NOPCHAP1: variants seen among roughly 807,000 people sequenced by gnomAD.
NOPCHAP1 encodes DNA damage-sensitive RNA 1.
A neutral mutation model predicts 14.0 loss-of-function variants in NOPCHAP1; 13 were observed. That is an observed-to-expected ratio of 0.93 (90% confidence interval 0.60 to 1.47). The LOEUF is 1.47. NOPCHAP1 is among the 40% of genes most tolerant of loss of function. The pLI is 0.00. For missense variants in NOPCHAP1, 230 were observed against 226.9 expected, an observed-to-expected ratio of 1.01 and a Z score of -0.09; for synonymous variants, 78 against 78.4, an observed-to-expected ratio of 1.00 and a Z score of 0.03.
rs1437452900 is a variant in NOPCHAP1 at position 105,012,292 on chromosome 12, G to C, written c.*17596G>C. On this transcript the variant is annotated 3_prime_UTR_variant, in exon 4 of 4. Transcript: ENST00000552951. ...TTGATCGATTAGGCCATTGATACTT[G>C]TGTATGCTTCACGAAGTTCTTGGGC... 6.6e-6 allele frequency: 1 copy of C among 152,066 alleles called. No homozygotes were observed. The highest frequency in any genetic ancestry group is 2.4e-5 in the African/African-American group (1 of 41,386). 9.4% of individuals were successfully genotyped at this position (152,066 alleles called of 1,614,324 possible).
rs1466745470 is a variant in NOPCHAP1 at position 105,006,101 on chromosome 12, A to T, written c.*11405A>T. The T allele has an allele frequency of 1.3e-5, 2 of 152,200 alleles. No individual in the cohort carries two copies. Among genetic ancestry groups the T allele is most frequent in the East Asian group, 3.9e-4 (2 of 5,192 alleles). 9.4% of individuals were successfully genotyped at this position (152,200 alleles called of 1,614,324 possible). On this transcript the variant is annotated 3_prime_UTR_variant, in exon 4 of 4. Coordinates refer to ENST00000552951, the MANE Select transcript of NOPCHAP1 (RefSeq NM_152318.3). ...CTGCCCCACCTTTTTTGCCACATTC[A>T]CAATCTCTTTCATGATTTCCTTGAT...
In NOPCHAP1 at chr12:105,003,275, T is replaced by C. The variant is rs968513193; in HGVS notation, c.*8579T>C. On this transcript the variant is annotated 3_prime_UTR_variant, in exon 4 of 4. Transcript: ENST00000552951. Reference sequence around the variant, plus strand: ...TTTTTTTGTGTGTGTGTGAGTTTCATTTTTCTAGAAAAGCAACATGCCCTG... The same window carrying C: ...TTTTTTTGTGTGTGTGTGAGTTTCACTTTTCTAGAAAAGCAACATGCCCTG... The C allele has an allele frequency of 2.0e-5, 3 of 152,200 alleles. No homozygotes were observed. The allele number at this position is 152,200 out of a possible 1,614,324, so 9.4% of individuals were successfully genotyped here.
In NOPCHAP1 at chr12:105,000,450, C is replaced by T. The variant is rs182540837; in HGVS notation, c.*5754C>T. ...TCTGTTTTTTCTGCTAGAGCATGAG[C>T]CTTACCTAAAGCCATTGCAAATTAT... is the stretch of plus-strand genomic sequence containing the variant. On this transcript the variant is annotated 3_prime_UTR_variant, in exon 4 of 4. Coordinates refer to ENST00000552951, the MANE Select transcript of NOPCHAP1 (RefSeq NM_152318.3). 11 of 152,202 alleles carry T rather than the reference C, an allele frequency of 7.2e-5. No homozygotes were observed. The highest frequency in any genetic ancestry group is 1.0e-4 in the Non-Finnish European group (7 of 68,010). 9.4% of individuals were successfully genotyped at this position (152,202 alleles called of 1,614,324 possible). A position where few individuals can be genotyped will look rare whatever the true frequency, so the allele number is the denominator to read the frequency against.
rs1379248968 is a variant in NOPCHAP1, at chr12:105,008,807, A to G, written c.*14111A>G. 6.6e-6 allele frequency: 1 copy of G among 152,040 alleles called. No homozygotes were observed. The highest frequency in any genetic ancestry group is 1.5e-5 in the Non-Finnish European group (1 of 68,004). The allele number at this position is 152,040 out of a possible 1,614,324, so 9.4% of individuals were successfully genotyped here. A position where few individuals can be genotyped will look rare whatever the true frequency, so the allele number is the denominator to read the frequency against. Reference sequence around the variant, plus strand: ...CAGATGGTTGTAGATGTGTGGTATTATTTCTGAGGCCTCTGTTCTGTTCTG... The same window carrying G: ...CAGATGGTTGTAGATGTGTGGTATTGTTTCTGAGGCCTCTGTTCTGTTCTG... On this transcript the variant is annotated 3_prime_UTR_variant, in exon 4 of 4. Transcript: ENST00000552951.
chr12:104,994,463 C>T lies in NOPCHAP1; in HGVS notation c.340-15C>T. The T allele has an allele frequency of 6.2e-7, 1 of 1,608,298 alleles. No individual in the cohort carries two copies. Among genetic ancestry groups the T allele is most frequent in the South Asian group, 1.1e-5 (1 of 90,864 alleles). On this transcript the variant is annotated splice_polypyrimidine_tract_variant and intron_variant, in intron 3 of 3. Transcript: ENST00000552951. ...ACTGCTCTGAAATAGATTTCCTGTCCACTACTTTTTGCAGGATGTGGCTTT... is the reference window on the plus strand; with the variant it reads ...ACTGCTCTGAAATAGATTTCCTGTCTACTACTTTTTGCAGGATGTGGCTTT...
chr12:105,003,112 T>C lies in NOPCHAP1; in HGVS notation c.*8416T>C, dbSNP rs1873641920. 2 of 152,232 alleles carry C rather than the reference T, an allele frequency of 1.3e-5. No homozygotes were observed. Among genetic ancestry groups the C allele is most frequent in the South Asian group, 4.1e-4 (2 of 4,836 alleles). 9.4% of individuals were successfully genotyped at this position (152,232 alleles called of 1,614,324 possible). A position where few individuals can be genotyped will look rare whatever the true frequency, so the allele number is the denominator to read the frequency against. On this transcript the variant is annotated 3_prime_UTR_variant, in exon 4 of 4. Coordinates refer to ENST00000552951, the MANE Select transcript of NOPCHAP1 (RefSeq NM_152318.3). ...TTGCCTTCTGTAAGGAATCTTTTAC[T>C]ACCTGTATGTACCAATTTAAAGAAT...
chr12:104,988,039 TAA>T, intron 1 of NOPCHAP1, 126 bp from the exon 2 acceptor site: 3 of 561,856 alleles, frequency 5.3e-6, no homozygotes, highest in South Asian at 2.9e-5. Context: ...AGTTCTCCTT[TAA>T]AAAAAAAATT....
Position 104,988,474 on chromosome 12 carries a change from G to C in NOPCHAP1, c.202+221G>C, listed in dbSNP as rs370531003. Among the ~76,000 whole-genome samples the C allele has an allele frequency of 1.9e-4, 29 of 152,102 alleles. 1 individual carries two copies. The highest frequency in any genetic ancestry group is 1.9e-3 in the Admixed American group (29 of 15,274). On this transcript the variant is annotated intron_variant, in intron 2 of 3. Transcript: ENST00000552951. Reference sequence around the variant, plus strand: ...ACTTTTTCGTGAAAAATTGCTTGTGGGTTGAATTTTGGGAAGTCAAAAACA... The same window carrying C: ...ACTTTTTCGTGAAAAATTGCTTGTGCGTTGAATTTTGGGAAGTCAAAAACA...
In NOPCHAP1 at chr12:104,988,222, T is replaced by G. The variant is rs777620940; in HGVS notation, c.171T>G (p.Thr57=). 9 of 1,612,972 alleles carry G rather than the reference T, an allele frequency of 5.6e-6. No individual in the cohort carries two copies. In the South Asian group the frequency reaches 8.8e-5, roughly 16 times the overall value. The change falls in exon 2 of 4, where the codon ACT becomes ACG. Residue 57 remains threonine, a synonymous_variant. Coordinates refer to ENST00000552951, the MANE Select transcript of NOPCHAP1 (RefSeq NM_152318.3). ...NSQPKSRKTS[T]LQTVRIERSP... ...AACCTAAGTCCAGAAAGACCTCCAC[T>G]CTTCAAACAGTTCGGATAGAGAGGA...
chr12:104,990,708 G>T lies in NOPCHAP1; in HGVS notation c.203-1004G>T, dbSNP rs185521700. On this transcript the variant is annotated intron_variant, in intron 2 of 3. Transcript: ENST00000552951. ...TTGTTTGTTGACTGCTCTGTATTTGGCACAGTGACTGACAGTTATCACTCC... is the reference window on the plus strand; with the variant it reads ...TTGTTTGTTGACTGCTCTGTATTTGTCACAGTGACTGACAGTTATCACTCC... Among the ~76,000 whole-genome samples, 294 of 152,282 alleles carry T rather than the reference G, an allele frequency of 1.9e-3. 2 individuals carry two copies. The highest frequency in any genetic ancestry group is 6.9e-3 in the African/African-American group (287 of 41,556).
chr12:104,996,419 T>C lies in NOPCHAP1; in HGVS notation c.*1723T>C, dbSNP rs982966052. 9 of 152,058 alleles carry C rather than the reference T, an allele frequency of 5.9e-5. No homozygotes were observed. The highest frequency in any genetic ancestry group is 1.9e-4 in the East Asian group (1 of 5,192). 9.4% of individuals were successfully genotyped at this position (152,058 alleles called of 1,614,324 possible). A position where few individuals can be genotyped will look rare whatever the true frequency, so the allele number is the denominator to read the frequency against. On this transcript the variant is annotated 3_prime_UTR_variant, in exon 4 of 4. Transcript: ENST00000552951. ...GAGGTACATGTGGAGGTTTGTTATA[T>C]AGACAAATTGGGTATTGTGGGGGTT...
chr12:104,994,302 A>C (rs1454962184), intron 3 of NOPCHAP1, among the ~76,000 whole-genome samples, 176 bp from the exon 4 acceptor site: 1 of 152,240 alleles, frequency 6.6e-6, no homozygotes, highest in East Asian at 1.9e-4. Flanking sequence ...AGCTGAGATC[A>C]CACCACTGCA....
At chr12:104,991,647 T>C (rs999262589) in intron 2 of NOPCHAP1, 65 bp from the exon 3 acceptor site, 19 of 1,468,114 alleles carry the variant, frequency 1.3e-5, no homozygotes, top group Non-Finnish European at 1.5e-5. Context: ...GAAGTGTTTA[T>C]AGGAAATCCT....
intron 2 of NOPCHAP1, among the ~76,000 whole-genome samples, chr12:104,989,006 T>C (rs1434164419): frequency 1.3e-5 from 2 of 151,622 alleles, no homozygotes; most frequent in Non-Finnish European, 2.9e-5. Flanking sequence ...ATAGAAGGTG[T>C]AATTTTTTTT....
Position 104,996,322 on chromosome 12 carries a change from G to T in NOPCHAP1, c.*1626G>T, listed in dbSNP as rs1042131124. On this transcript the variant is annotated 3_prime_UTR_variant, in exon 4 of 4. Coordinates refer to ENST00000552951, the MANE Select transcript of NOPCHAP1 (RefSeq NM_152318.3). The stretch of plus-strand genomic sequence containing the variant: ...CCAGGAGGAAACTTACTTTTTTATA[G>T]TTCCCCTCCTTTTAAAAAGATGTTT... 1 of 151,266 alleles carries T rather than the reference G, an allele frequency of 6.6e-6. No individual in the cohort carries two copies. Among genetic ancestry groups the T allele is most frequent in the African/African-American group, 2.4e-5 (1 of 41,110 alleles). 9.4% of individuals were successfully genotyped at this position (151,266 alleles called of 1,614,324 possible).
chr12:105,006,593 C>T lies in NOPCHAP1; in HGVS notation c.*11897C>T, dbSNP rs1873714330. ...CTTGTCCAAGCCTTTTTGTTGTAAA[C>T]CAGAAGACTGGCAACTCGTATTTAT... is the stretch of plus-strand genomic sequence containing the variant. On this transcript the variant is annotated 3_prime_UTR_variant, in exon 4 of 4. Transcript: ENST00000552951. 1 of 152,174 alleles carries T rather than the reference C, an allele frequency of 6.6e-6. No homozygotes were observed. The highest frequency in any genetic ancestry group is 1.5e-5 in the Non-Finnish European group (1 of 68,048). 9.4% of individuals were successfully genotyped at this position (152,174 alleles called of 1,614,324 possible). A position where few individuals can be genotyped will look rare whatever the true frequency, so the allele number is the denominator to read the frequency against.
rs1447626492 is a variant in NOPCHAP1 at position 105,002,272 on chromosome 12, T to C, written c.*7576T>C. 1 of 152,228 alleles carries C rather than the reference T, an allele frequency of 6.6e-6. No individual in the cohort carries two copies. The highest frequency in any genetic ancestry group is 2.4e-5 in the African/African-American group (1 of 41,462). 9.4% of individuals were successfully genotyped at this position (152,228 alleles called of 1,614,324 possible). On this transcript the variant is annotated 3_prime_UTR_variant, in exon 4 of 4. Transcript: ENST00000552951. ...ATGAGCTTTTCGACCTTTAGTCTTT[T>C]ACTTACTCTATTCTCTCAAAATGTT... is the stretch of plus-strand genomic sequence containing the variant.
At position 105,006,473 on chromosome 12, in the gene NOPCHAP1, A is replaced by G. The variant is rs189822690; in HGVS notation, c.*11777A>G. 4.6e-5 allele frequency: 7 copies of G among 152,302 alleles called. No homozygotes were observed. Among genetic ancestry groups the G allele is most frequent in the African/African-American group, 1.7e-4 (7 of 41,566 alleles). The allele number at this position is 152,302 out of a possible 1,614,324, so 9.4% of individuals were successfully genotyped here. A position where few individuals can be genotyped will look rare whatever the true frequency, so the allele number is the denominator to read the frequency against. On this transcript the variant is annotated 3_prime_UTR_variant, in exon 4 of 4. Coordinates refer to ENST00000552951, the MANE Select transcript of NOPCHAP1 (RefSeq NM_152318.3). ...TTCTGGGTGACCTGGGCATTGTCTA[A>G]TATCAAAAGAACTATAAAAGACAGT... is the stretch of plus-strand genomic sequence containing the variant.
rs563442468 is a variant in NOPCHAP1, at chr12:104,998,318, C to T, written c.*3622C>T. The T allele has an allele frequency of 2.0e-5, 3 of 152,308 alleles. No individual in the cohort carries two copies. Among genetic ancestry groups the T allele is most frequent in the African/African-American group, 7.2e-5 (3 of 41,564 alleles). The allele number at this position is 152,308 out of a possible 1,614,324, so 9.4% of individuals were successfully genotyped here. A position where few individuals can be genotyped will look rare whatever the true frequency, so the allele number is the denominator to read the frequency against. On this transcript the variant is annotated 3_prime_UTR_variant, in exon 4 of 4. Transcript: ENST00000552951. ...TGATTCTTTTTTATCTTTGTGGGCT[C>T]ATGTCGCTGAAGTTGCTATCCTTTG...
Sources: allele counts gnomAD v4.1 joint callset (sites outside exome capture counted in the v4.1 genomes callset), GRCh38; gene constraint gnomAD v4.1.1; transcripts MANE v1.5; gene names NCBI Gene and HGNC (gene_info 2026-07-23, HGNC 2026-07-21).